The following DOCK11 variants were observed in gnomAD, a reference collection of about 807,000 sequenced individuals.
DOCK11 encodes dedicator of cytokinesis protein 11.
DOCK11 carries 70 observed loss-of-function variants against 169.1 expected under a neutral mutation model. The observed-to-expected ratio is 0.41, with a 90% CI of 0.34 to 0.51. The LOEUF is 0.51. Ranked by LOEUF, DOCK11 falls within the 20% of genes least tolerant of loss-of-function variation. The pLI, the probability that DOCK11 is intolerant of heterozygous loss-of-function variation, is 0.10. For synonymous variants in DOCK11, 529 were observed against 541.3 expected (o/e 0.98, Z 0.32); for missense variants, 1,166 against 1,538.8 (o/e 0.76, Z 4.05).
intron 46 of DOCK11, 38 bp from the exon 47 acceptor site, chrX:118,675,898 C>A (rs777392823): frequency 3.4e-6 from 3 of 873,154 alleles, no homozygotes; most frequent in Admixed American, 6.7e-5. Flanking sequence ...AGTAATTAAA[C>A]AAAAAACAAA....
In DOCK11 at chrX:118,671,772, C is replaced by T. The variant is rs545891639; in HGVS notation, c.5199+627C>T. ...TTGGCTCACTGCAACCTCTGTCTCC[C>T]GAGTTCAAGCAGTTCTCCTGCCTCA... On this transcript the variant is annotated intron_variant, in intron 46 of 52. Transcript: ENST00000276202. Among the ~76,000 whole-genome samples, 54 of 111,716 alleles carry T rather than the reference C, an allele frequency of 4.8e-4. No homozygotes were observed. In the South Asian group the frequency reaches 0.019, roughly 39 times the overall value.
In DOCK11 at chrX:118,614,784, T is replaced by G; in HGVS notation, c.3180+9T>G. On this transcript the variant is annotated intron_variant, in intron 29 of 52. Transcript: ENST00000276202. ...GCCCCAAAGATCCTAAGGTAAGTTA[T>G]AAGGACATGATTGTAGTGGATGTCA... 9.0e-7 allele frequency: 1 copy of G among 1,108,988 alleles called. No homozygotes were observed. The allele number at this position is 1,108,988 out of a possible 1,213,427, so 91.4% of individuals were successfully genotyped here.
rs368724240 is a variant in DOCK11, at chrX:118,561,568, A to T, written c.693+51A>T. On this transcript the variant is annotated intron_variant, in intron 7 of 52. Coordinates refer to ENST00000276202, the MANE Select transcript of DOCK11 (RefSeq NM_144658.4). ...CTTTTTCTAACAGGGTTATTGATAA[A>T]CTTTTAAGAACCCCAGATGGTTGGG... is the stretch of plus-strand genomic sequence containing the variant. 4.2e-5 allele frequency: 46 copies of T among 1,106,048 alleles called. No individual in the cohort carries two copies. In the African/African-American group the frequency reaches 7.6e-4, roughly 18 times the overall value. 91.2% of individuals were successfully genotyped at this position (1,106,048 alleles called of 1,213,427 possible).
intron 1 of DOCK11, among the ~76,000 whole-genome samples, chrX:118,496,794 G>C (rs188938378): frequency 1.8e-5 from 2 of 111,557 alleles, no homozygotes; most frequent in African/African-American, 6.5e-5. Context: ...AGAGGCAAGG[G>C]GACCAAGGGG....
chrX:118,648,097 T>A (rs1390728714), intron 40 of DOCK11, among the ~76,000 whole-genome samples: 3 of 72,217 alleles, frequency 4.2e-5, no homozygotes, highest in African/African-American at 1.1e-4. Flanking sequence ...ATTGTAATAT[T>A]ATACAATATA....
At chrX:118,650,636 T>G (rs2015924049) in intron 41 of DOCK11, among the ~76,000 whole-genome samples, 1 of 111,935 alleles carries the variant, frequency 8.9e-6, no homozygotes, top group African/African-American at 3.3e-5. Context: ...GGTCCTTTAC[T>G]ATTTGCTTTT....
At chrX:118,514,416 A>G (rs1027755999) in intron 1 of DOCK11, among the ~76,000 whole-genome samples, 28 of 111,482 alleles carry the variant, frequency 2.5e-4, no homozygotes, top group African/African-American at 9.1e-4. Flanking sequence ...TGGTAAGCAA[A>G]AAGTTATTGT....
chrX:118,557,137 TG>T, intron 6 of DOCK11, among the ~76,000 whole-genome samples: 1 of 111,710 alleles, frequency 9.0e-6, no homozygotes, highest in African/African-American at 3.3e-5. Context: ...TTATAGGTAC[TG>T]GGGGGTTAAC....
At chrX:118,561,221 G>A (rs1421033983) in intron 6 of DOCK11, among the ~76,000 whole-genome samples, 162 bp from the exon 7 acceptor site, 1 of 111,859 alleles carries the variant, frequency 8.9e-6, no homozygotes, top group Admixed American at 9.5e-5. Flanking sequence ...CACTATCTTA[G>A]AAAAATGAAG....
At chrX:118,571,820 A>G (rs909530144) in intron 10 of DOCK11, among the ~76,000 whole-genome samples, 12 of 112,228 alleles carry the variant, frequency 1.1e-4, no homozygotes, top group African/African-American at 3.9e-4. Context: ...GAGTTAGGAA[A>G]GGTCTCCCTG....
At chrX:118,569,091 C>CTTTTTTTTTTTTTTT (rs1186200391) in intron 10 of DOCK11, among the ~76,000 whole-genome samples, 6 of 44,991 alleles carry the variant, frequency 1.3e-4, no homozygotes, top group Admixed American at 3.5e-4. Context: ...TCTTTCTTTC[C>CTTTTTTTTTTTTTTT]TTTTTTTTTT....
At chrX:118,514,616 T>G (rs1469573680) in intron 1 of DOCK11, among the ~76,000 whole-genome samples, 1 of 111,885 alleles carries the variant, frequency 8.9e-6, no homozygotes, top group Admixed American at 9.5e-5. Flanking sequence ...CCTTTGAAGT[T>G]TCTTCTCCCA....
intron 44 of DOCK11, among the ~76,000 whole-genome samples, chrX:118,661,214 A>T (rs2016206632): frequency 9.1e-6 from 1 of 109,374 alleles, no homozygotes; most frequent in African/African-American, 3.3e-5. Context: ...GTCTCCAAAA[A>T]AAAAAAAAAA....
At chrX:118,643,434 C>A (rs1325722105) in intron 39 of DOCK11, 23 bp from the exon 40 acceptor site, 1 of 1,189,259 alleles carries the variant, frequency 8.4e-7, no homozygotes, top group Non-Finnish European at 1.1e-6. Flanking sequence ...GGGGCATAAA[C>A]CATATTTTTT....
intron 30 of DOCK11, among the ~76,000 whole-genome samples, chrX:118,618,125 A>C (rs1215823271): frequency 1.8e-5 from 2 of 112,013 alleles, no homozygotes; most frequent in Non-Finnish European, 3.8e-5. Flanking sequence ...CCACTTTATA[A>C]GTATAAATGG....
intron 40 of DOCK11, among the ~76,000 whole-genome samples, chrX:118,648,538 ATT>A (rs1484116645): frequency 2.2e-5 from 2 of 92,389 alleles, no homozygotes; most frequent in African/African-American, 4.0e-5. Context: ...ATATTTATAT[ATT>A]TATATATAAC....
rs151200381 is a variant in DOCK11 at position 118,545,407 on chromosome X, A to C, written c.462+15A>C. 392 of 1,145,812 alleles carry C rather than the reference A, an allele frequency of 3.4e-4. No homozygotes were observed. In the East Asian group the frequency reaches 0.011, roughly 31 times the overall value. 94.4% of individuals were successfully genotyped at this position (1,145,812 alleles called of 1,213,427 possible). A position where few individuals can be genotyped will look rare whatever the true frequency, so the allele number is the denominator to read the frequency against. ...AGAAAGATGAGGTAAGAATGGGGGC[A>C]ACAGTTGGGGTAACTGTGCTAGTTT... On this transcript the variant is annotated intron_variant, in intron 5 of 52. Coordinates refer to ENST00000276202, the MANE Select transcript of DOCK11 (RefSeq NM_144658.4).
At chrX:118,632,018 G>A (rs1168225073) in intron 35 of DOCK11, among the ~76,000 whole-genome samples, 1 of 111,289 alleles carries the variant, frequency 9.0e-6, no homozygotes, top group Non-Finnish European at 1.9e-5. Context: ...GCAGTGGCAG[G>A]ATCTCAGCTC....
intron 28 of DOCK11, among the ~76,000 whole-genome samples, chrX:118,613,036 C>T (rs760918282): frequency 2.7e-5 from 3 of 112,160 alleles, no homozygotes; most frequent in African/African-American, 9.7e-5. Context: ...AGGCTCAGCT[C>T]TTCCCTGGCC....
Sources: gnomAD v4.1 joint callset for allele counts (sites outside exome capture counted in the v4.1 genomes callset) on GRCh38, gnomAD v4.1.1 for gene constraint, MANE v1.5 for transcripts, NCBI Gene and HGNC (gene_info 2026-07-23, HGNC 2026-07-21) for gene names.